Variants in PTPRG observed in about 807,000 individuals in gnomAD.
PTPRG encodes the protein receptor-type tyrosine-protein phosphatase gamma.
A neutral mutation model predicts 165.3 loss-of-function variants in PTPRG; 102 were observed. The observed-to-expected ratio is 0.62, with a 90% CI of 0.53 to 0.73. PTPRG has a LOEUF of 0.73. Ranked by LOEUF, PTPRG falls within the 30% of genes least tolerant of loss-of-function variation. The pLI is 0.00. For missense variants in PTPRG, 1,866 were observed against 1,861.4 expected (o/e 1.00, Z -0.05); for synonymous variants, 675 against 669.5 (o/e 1.01, Z -0.13).
intron 2 of PTPRG, among the ~76,000 whole-genome samples, chr3:61,927,581 A>G (rs2039253699): frequency 6.6e-6 from 1 of 152,174 alleles, no homozygotes; most frequent in Non-Finnish European, 1.5e-5. Context: ...CTGAGTTTTG[A>G]GAAGTGCATG....
At chr3:61,739,869 G>T (rs1205530394) in intron 1 of PTPRG, among the ~76,000 whole-genome samples, 1 of 152,176 alleles carries the variant, frequency 6.6e-6, no homozygotes, top group East Asian at 1.9e-4. Flanking sequence ...AGAGCTACTT[G>T]CTATTCACAT....
At chr3:62,000,362 T>C (rs1044767360) in intron 3 of PTPRG, among the ~76,000 whole-genome samples, 1 of 151,990 alleles carries the variant, frequency 6.6e-6, no homozygotes, top group Non-Finnish European at 1.5e-5. Flanking sequence ...TGTATATTCT[T>C]ACCCAGGGCA....
chr3:61,699,247 A>C (rs1369252831), intron 1 of PTPRG, among the ~76,000 whole-genome samples: 1 of 152,196 alleles, frequency 6.6e-6, no homozygotes, highest in Non-Finnish European at 1.5e-5. Flanking sequence ...GGAAAAAAAA[A>C]ATTATTTTTC....
intron 1 of PTPRG, among the ~76,000 whole-genome samples, chr3:61,626,670 T>C (rs2106916443): frequency 6.6e-6 from 1 of 152,306 alleles, no homozygotes; most frequent in East Asian, 1.9e-4. Flanking sequence ...GCTGCACACA[T>C]CCTGCTGCTG....
intron 2 of PTPRG, among the ~76,000 whole-genome samples, chr3:61,779,688 A>G (rs1281635233): frequency 6.8e-6 from 1 of 147,674 alleles, no homozygotes; most frequent in Non-Finnish European, 1.5e-5. Flanking sequence ...TTGTTTAGTA[A>G]TCAGTGGAGT....
At chr3:61,762,917 C>T (rs1308048163) in intron 2 of PTPRG, among the ~76,000 whole-genome samples, 1 of 152,006 alleles carries the variant, frequency 6.6e-6, no homozygotes, top group Admixed American at 6.5e-5. Flanking sequence ...GAATCACTTT[C>T]CCTGTGTTCT....
intron 2 of PTPRG, among the ~76,000 whole-genome samples, chr3:61,788,168 G>A (rs567539117): frequency 6.6e-6 from 1 of 152,188 alleles, no homozygotes; most frequent in East Asian, 1.9e-4. Flanking sequence ...CAGCATCAAC[G>A]TGTGCTGCAT....
In PTPRG at chr3:62,282,808, C is replaced by A; in HGVS notation, c.3994C>A (p.Leu1332Ile). Reference protein sequence around the residue: ...PDAPISSTFELINVIKEEALT... With the variant: ...PDAPISSTFEIINVIKEEALT... Reference sequence around the variant, plus strand: ...TGCCCCCATAAGTAGTACCTTTGAACTTATCAACGTCATCAAGGAAGAGGC... The same window carrying A: ...TGCCCCCATAAGTAGTACCTTTGAAATTATCAACGTCATCAAGGAAGAGGC... Residue 1332 changes from leucine to isoleucine, a missense_variant, in exon 28 of 30, where the codon CTT becomes ATT. Physicochemically the swap from Leu to Ile is conservative, Grantham distance 5. Coordinates refer to ENST00000474889, the MANE Select transcript of PTPRG (RefSeq NM_002841.4). 6.2e-7 allele frequency: 1 copy of A among 1,612,230 alleles called. No homozygotes were observed. The highest frequency in any genetic ancestry group is 8.5e-7 in the Non-Finnish European group (1 of 1,178,776).
intron 1 of PTPRG, among the ~76,000 whole-genome samples, chr3:61,732,758 A>C (rs111768529): frequency 0.031 from 4,126 of 131,498 alleles, 75 homozygotes; most frequent in African/African-American, 0.042. Context: ...ATAAATAAAT[A>C]AATCTTGCAT....
chr3:62,164,410 A>C (rs1704887643), intron 7 of PTPRG, among the ~76,000 whole-genome samples: 1 of 152,186 alleles, frequency 6.6e-6, no homozygotes, highest in Non-Finnish European at 1.5e-5. Context: ...CCAGTTGCCA[A>C]AGAGACAGGC....
chr3:62,267,347 T>C (rs916961146), intron 17 of PTPRG, 63 bp from the exon 18 acceptor site: 3 of 1,259,416 alleles, frequency 2.4e-6, no homozygotes, highest in Non-Finnish European at 3.4e-6. Context: ...TGTTGTGCTT[T>C]AGAATGGTGC....
chr3:62,143,042 C>T (rs2106648627), intron 6 of PTPRG, among the ~76,000 whole-genome samples: 1 of 152,330 alleles, frequency 6.6e-6, no homozygotes. Context: ...TGACTTCAGA[C>T]TGGCTCTTCT....
chr3:62,225,873 C>T (rs1156461953), intron 13 of PTPRG, among the ~76,000 whole-genome samples: 1 of 151,974 alleles, frequency 6.6e-6, no homozygotes, highest in Non-Finnish European at 1.5e-5. Context: ...AGGCTAGTCT[C>T]AAACTCCTGA....
chr3:62,143,898 A>G (rs1704020182), intron 6 of PTPRG, among the ~76,000 whole-genome samples: 1 of 152,202 alleles, frequency 6.6e-6, no homozygotes. Flanking sequence ...GAAAGTGCTT[A>G]TCTCACGAGT....
rs574361907 is a variant in PTPRG, at chr3:61,981,315, C to G, written c.191-8310C>G. On this transcript the variant is annotated intron_variant, in intron 2 of 29. Coordinates refer to ENST00000474889, the MANE Select transcript of PTPRG (RefSeq NM_002841.4). The stretch of plus-strand genomic sequence containing the variant: ...ATTTAAGATGACATTTGGATGGGGA[C>G]ATAGCCAAACCATATCACCCTCTGA... Among the ~76,000 whole-genome samples the G allele has an allele frequency of 7.9e-5, 12 of 152,318 alleles. No individual in the cohort carries two copies. The South Asian group carries it at 2.5e-3, about 32-fold the overall frequency.
intron 2 of PTPRG, among the ~76,000 whole-genome samples, chr3:61,980,099 T>G (rs572984162): frequency 6.6e-6 from 1 of 152,088 alleles, no homozygotes; most frequent in Non-Finnish European, 1.5e-5. Flanking sequence ...AACAAAACCT[T>G]GTGGAGCATG....
chr3:61,976,675 T>G (rs1307375454), intron 2 of PTPRG, among the ~76,000 whole-genome samples: 1 of 152,124 alleles, frequency 6.6e-6, no homozygotes, highest in South Asian at 2.1e-4. Flanking sequence ...GTAGGGTCTT[T>G]TTAAAAAATT....
At chr3:62,158,843 A>G (rs899933052) in intron 7 of PTPRG, among the ~76,000 whole-genome samples, 11 of 152,186 alleles carry the variant, frequency 7.2e-5, no homozygotes, top group African/African-American at 2.7e-4. Context: ...TGGTTTCAGA[A>G]CAGGATCTGC....
intron 1 of PTPRG, among the ~76,000 whole-genome samples, chr3:61,574,614 T>C (rs975462454): frequency 6.6e-6 from 1 of 152,192 alleles, no homozygotes; most frequent in Admixed American, 6.5e-5. Context: ...AATTATTTCA[T>C]GTGATAGAGG....
Sources: allele counts gnomAD v4.1 joint callset (sites outside exome capture counted in the v4.1 genomes callset), GRCh38; gene constraint gnomAD v4.1.1; transcripts MANE v1.5; gene names NCBI Gene and HGNC (gene_info 2026-07-23, HGNC 2026-07-21).